Variants in MACROD2 observed in about 807,000 individuals in gnomAD.
MACROD2 encodes ADP-ribose glycohydrolase MACROD2.
A neutral mutation model predicts 70.4 loss-of-function variants in MACROD2; 36 were observed. The ratio of observed to expected loss-of-function variants is 0.51; its 90% CI spans 0.39 to 0.68. The LOEUF (loss-of-function observed/expected upper bound fraction) is 0.68. MACROD2 is among the 30% of genes least tolerant of loss of function. The pLI is 0.00. For missense variants in MACROD2, 496 were observed against 538.4 expected, an observed-to-expected ratio of 0.92 and a Z score of 0.78; for synonymous variants, 172 against 178.8, an observed-to-expected ratio of 0.96 and a Z score of 0.30.
At chr20:14,046,686 C>T in intron 2 of MACROD2, among the ~76,000 whole-genome samples, 1 of 151,758 alleles carries the variant, frequency 6.6e-6, no homozygotes. Context: ...GTTCATCTTC[C>T]TTTTTCCCCT....
intron 4 of MACROD2, among the ~76,000 whole-genome samples, chr20:14,595,275 G>T (rs1448285851): frequency 1.3e-5 from 2 of 152,112 alleles, no homozygotes; most frequent in Non-Finnish European, 2.9e-5. Context: ...GAGCACGGTG[G>T]GGTTTATTGG....
At chr20:14,753,755 A>G (rs1568776580) in intron 5 of MACROD2, among the ~76,000 whole-genome samples, 1 of 152,112 alleles carries the variant, frequency 6.6e-6, no homozygotes, top group Admixed American at 6.5e-5. Context: ...TTTGAGTTAA[A>G]ATGGGTAATA....
chr20:15,352,705 A>G (rs957733693), intron 6 of MACROD2, among the ~76,000 whole-genome samples: 3 of 152,172 alleles, frequency 2.0e-5, no homozygotes, highest in Admixed American at 6.5e-5. Flanking sequence ...TTATACACCA[A>G]TAAGAGACAA....
At chr20:13,996,498 T>C in intron 1 of MACROD2, 1 of 152,914 alleles carries the variant, frequency 6.5e-6, no homozygotes, top group Non-Finnish European at 1.5e-5. Context: ...CCATCCCCAT[T>C]CATGGGCTGA....
At chr20:15,977,084 TG>T (rs2066317351) in intron 13 of MACROD2, among the ~76,000 whole-genome samples, 1 of 152,118 alleles carries the variant, frequency 6.6e-6, no homozygotes, top group South Asian at 2.1e-4. Context: ...ATACAGATTT[TG>T]GCCTTTTCCC....
intron 8 of MACROD2, among the ~76,000 whole-genome samples, chr20:15,699,033 C>T (rs1014421046): frequency 6.6e-6 from 1 of 152,058 alleles, no homozygotes; most frequent in African/African-American, 2.4e-5. Context: ...TTCTCTGGTC[C>T]CTCCCTGATT....
At chr20:14,042,732 T>G (rs1198800837) in intron 2 of MACROD2, among the ~76,000 whole-genome samples, 2 of 152,154 alleles carry the variant, frequency 1.3e-5, no homozygotes. Context: ...ACTCCTGACC[T>G]CAAGTGATCT....
intron 3 of MACROD2, among the ~76,000 whole-genome samples, chr20:14,387,022 A>G (rs1353456785): frequency 1.3e-5 from 2 of 152,214 alleles, no homozygotes; most frequent in East Asian, 3.8e-4. Context: ...CAGCAGGCGT[A>G]TCTCCTTATT....
At chr20:14,314,082 T>C (rs2122526840) in intron 3 of MACROD2, among the ~76,000 whole-genome samples, 1 of 152,334 alleles carries the variant, frequency 6.6e-6, no homozygotes, top group Middle Eastern at 3.4e-3. Context: ...AGATAAGTGT[T>C]CTTATTTAAC....
chr20:14,169,654 A>G (rs2081202473), intron 3 of MACROD2, among the ~76,000 whole-genome samples: 1 of 152,114 alleles, frequency 6.6e-6, no homozygotes, highest in Admixed American at 6.5e-5. Flanking sequence ...GGCCATATAC[A>G]TAAATAACAC....
chr20:13,995,863 C>CGGGGGGGGGGGGTGGGGGGGGGGGG lies in MACROD2; in HGVS notation c.46+59_46+60insGGGGGGGTGGGGGGGGGGGGGGGGG. The CGGGGGGGGGGGGTGGGGGGGGGGGG allele has an allele frequency of 4.8e-6, 2 of 412,920 alleles. No homozygotes were observed. The highest frequency in any genetic ancestry group is 3.3e-5 in the Admixed American group (1 of 30,230). The allele number at this position is 412,920 out of a possible 1,614,324, so 25.6% of individuals were successfully genotyped here. ...CGGGCGGTGGGGGTTAGGGTGGGGGCGGGGGTCAGGCTGTGTGTGCCGCGG... is the reference window on the plus strand; with the variant it reads ...CGGGCGGTGGGGGTTAGGGTGGGGGCGGGGGGGGGGGGTGGGGGGGGGGGGGGGGGTCAGGCTGTGTGTGCCGCGG... On this transcript the variant is annotated intron_variant, in intron 1 of 17. Transcript: ENST00000684519. The surrounding 1 kb of genome is among the most constrained non-coding windows in gnomAD (Gnocchi z 4.3).
At chr20:14,730,254 A>G (rs1166058202) in intron 5 of MACROD2, among the ~76,000 whole-genome samples, 1 of 152,166 alleles carries the variant, frequency 6.6e-6, no homozygotes, top group Non-Finnish European at 1.5e-5. Context: ...AATTAATGAA[A>G]GACATAAATC....
At chr20:15,383,005 C>A (rs1407255884) in intron 6 of MACROD2, among the ~76,000 whole-genome samples, 1 of 152,204 alleles carries the variant, frequency 6.6e-6, no homozygotes, top group Non-Finnish European at 1.5e-5. Context: ...TCCTCTCCTT[C>A]AAATTCAGAA....
intron 8 of MACROD2, among the ~76,000 whole-genome samples, chr20:15,800,403 G>T (rs1435212834): frequency 1.3e-5 from 2 of 152,050 alleles, no homozygotes; most frequent in Non-Finnish European, 2.9e-5. Context: ...TCTTCTAGTA[G>T]TTTTTATAGT....
intron 3 of MACROD2, among the ~76,000 whole-genome samples, chr20:14,153,439 G>A (rs1355214919): frequency 6.6e-6 from 1 of 152,180 alleles, no homozygotes; most frequent in African/African-American, 2.4e-5. Flanking sequence ...GATGCCCAAA[G>A]TTTCAGCTGT....
intron 8 of MACROD2, among the ~76,000 whole-genome samples, chr20:15,567,209 A>T (rs1358996533): frequency 6.6e-6 from 1 of 152,152 alleles, no homozygotes; most frequent in African/African-American, 2.4e-5. Flanking sequence ...TCCCATGAAT[A>T]AGTACAATTT....
At chr20:15,951,410 A>C (rs567016330) in intron 12 of MACROD2, among the ~76,000 whole-genome samples, 1 of 152,126 alleles carries the variant, frequency 6.6e-6, no homozygotes, top group Admixed American at 6.6e-5. Flanking sequence ...GCATTCTTTA[A>C]TAAGAAGAAA....
intron 4 of MACROD2, among the ~76,000 whole-genome samples, chr20:14,558,750 T>C (rs966103036): frequency 6.6e-6 from 1 of 151,790 alleles, no homozygotes; most frequent in East Asian, 1.9e-4. Context: ...CGTATAATAG[T>C]CTTTAATTAT....
chr20:15,140,590 T>G (rs410068), intron 5 of MACROD2, among the ~76,000 whole-genome samples: 88,110 of 151,800 alleles, frequency 0.58, 25,666 homozygotes, highest in East Asian at 0.59. Context: ...TTAACTCCTC[T>G]ACACTCAAAC....
Sources: allele counts gnomAD v4.1 joint callset (sites outside exome capture counted in the v4.1 genomes callset), GRCh38; gene constraint gnomAD v4.1.1; non-coding constraint Gnocchi (gnomAD v3.1); transcripts MANE v1.5; gene names NCBI Gene and HGNC (gene_info 2026-07-23, HGNC 2026-07-21).